The following ROBO2 variants were observed in gnomAD, a reference collection of about 807,000 sequenced individuals.
ROBO2 encodes the protein roundabout guidance receptor 2, also known as roundabout homolog 2.
Under a neutral mutation model 160.8 loss-of-function variants are expected in ROBO2, and 53 were observed. That is an observed-to-expected ratio of 0.33 (90% CI 0.26 to 0.41). The LOEUF is 0.41. ROBO2 is among the 10% of genes least tolerant of loss of function. The pLI, the probability that ROBO2 is intolerant of heterozygous loss-of-function variation, is 1.00. For missense variants in ROBO2, 1,577 were observed against 1,722.4 expected, an observed-to-expected ratio of 0.92 and a Z score of 1.49; for synonymous variants, 664 against 611.7, an observed-to-expected ratio of 1.09 and a Z score of -1.26.
intron 2 of ROBO2, among the ~76,000 whole-genome samples, chr3:77,370,589 A>G (rs1474403219): frequency 6.6e-6 from 1 of 152,222 alleles, no homozygotes; most frequent in Non-Finnish European, 1.5e-5. Flanking sequence ...ACTGTGCTTT[A>G]GAGGAGGGAT....
chr3:77,303,713 G>GTA (rs776813619), intron 2 of ROBO2, among the ~76,000 whole-genome samples: 31 of 151,872 alleles, frequency 2.0e-4, no homozygotes, highest in Non-Finnish European at 3.7e-4. Flanking sequence ...CAATGTGTGT[G>GTA]TATATATATA....
At chr3:77,319,212 G>T (rs1172790066) in intron 2 of ROBO2, among the ~76,000 whole-genome samples, 1 of 152,152 alleles carries the variant, frequency 6.6e-6, no homozygotes. Context: ...TCTAATGAAA[G>T]TAAAAGATAA....
chr3:77,593,846 C>A (rs2094237598), intron 17 of ROBO2, among the ~76,000 whole-genome samples: 1 of 152,118 alleles, frequency 6.6e-6, no homozygotes, highest in Non-Finnish European at 1.5e-5. Flanking sequence ...TATTTACTTA[C>A]AGTATGAATC....
chr3:76,460,538 ATGT>A (rs2078030142), intron 2 of ROBO2, among the ~76,000 whole-genome samples: 1 of 152,180 alleles, frequency 6.6e-6, no homozygotes, highest in African/African-American at 2.4e-5. Flanking sequence ...ACCAGCTGAC[ATGT>A]TGTAAGGACA....
chr3:77,324,851 G>A (rs901092817), intron 2 of ROBO2, among the ~76,000 whole-genome samples: 5 of 149,170 alleles, frequency 3.4e-5, no homozygotes, highest in South Asian at 4.2e-4. Context: ...TTAAACTAGC[G>A]CGTGTTTCCT....
chr3:76,077,903 T>A (rs2068694948), intron 2 of ROBO2, among the ~76,000 whole-genome samples: 1 of 152,174 alleles, frequency 6.6e-6, no homozygotes, highest in Non-Finnish European at 1.5e-5. Context: ...CAACTTCCAT[T>A]GATAACCATT....
rs574046684 is a variant in ROBO2 at position 77,540,649 on chromosome 3, G to A, written c.935-5689G>A. On this transcript the variant is annotated intron_variant, in intron 6 of 25. Transcript: ENST00000461745. ...GCTGCGGTTAATACCTAGGTGAGGG[G>A]TTGGTAGGTGCAGCAGTTCATCATG... 3.9e-5 allele frequency among the ~76,000 whole-genome samples: 6 copies of A among 152,284 alleles called. No individual in the cohort carries two copies. In the South Asian group the frequency reaches 1.2e-3, roughly 32 times the overall value.
At chr3:77,200,315 ATATATATT>A (rs1298060254) in intron 2 of ROBO2, among the ~76,000 whole-genome samples, 2,507 of 87,466 alleles carry the variant, frequency 0.029, 209 homozygotes, top group South Asian at 0.053. Flanking sequence ...ATATATATAT[ATATATATT>A]TTAGTTTCTA....
intron 2 of ROBO2, among the ~76,000 whole-genome samples, chr3:76,475,404 A>G (rs2078881337): frequency 6.6e-6 from 1 of 152,166 alleles, no homozygotes; most frequent in Non-Finnish European, 1.5e-5. Context: ...ATGTGCAGCC[A>G]TGGTGAGGAT....
At chr3:77,023,078 A>T (rs1317010963) in intron 2 of ROBO2, among the ~76,000 whole-genome samples, 2 of 152,132 alleles carry the variant, frequency 1.3e-5, no homozygotes, top group Non-Finnish European at 2.9e-5. Flanking sequence ...TCAACTTGAA[A>T]TGTGTCTCCC....
chr3:76,400,114 G>C (rs2077726382), intron 2 of ROBO2, among the ~76,000 whole-genome samples: 2 of 151,640 alleles, frequency 1.3e-5, no homozygotes, highest in Admixed American at 6.6e-5. Context: ...TATCTGTTTA[G>C]CTGGTACCCA....
chr3:76,515,200 C>A (rs911034960), intron 2 of ROBO2, among the ~76,000 whole-genome samples: 2 of 152,024 alleles, frequency 1.3e-5, no homozygotes, highest in Admixed American at 1.3e-4. Flanking sequence ...TCTTTTTTAA[C>A]CCAATTTTAA....
chr3:76,559,053 G>A (rs1259027771), intron 2 of ROBO2, among the ~76,000 whole-genome samples: 4 of 151,998 alleles, frequency 2.6e-5, no homozygotes, highest in African/African-American at 7.2e-5. Context: ...CACAGCACAC[G>A]AAACAGATGG....
chr3:76,090,149 G>A (rs1229979557), intron 2 of ROBO2, among the ~76,000 whole-genome samples: 1 of 152,026 alleles, frequency 6.6e-6, no homozygotes, highest in East Asian at 1.9e-4. Context: ...GGAACACTAC[G>A]AAACTCTCAT....
At chr3:76,209,412 T>C (rs1703003749) in intron 2 of ROBO2, among the ~76,000 whole-genome samples, 1 of 152,176 alleles carries the variant, frequency 6.6e-6, no homozygotes, top group South Asian at 2.1e-4. Context: ...AATATAAGAT[T>C]CTCTTTAGTC....
intron 2 of ROBO2, among the ~76,000 whole-genome samples, chr3:77,213,244 T>C (rs1434501820): frequency 1.3e-5 from 2 of 152,066 alleles, no homozygotes; most frequent in Non-Finnish European, 2.9e-5. Flanking sequence ...TAATTATTGC[T>C]TCAATTTCAG....
At chr3:77,581,949 A>T (rs2093929599) in intron 16 of ROBO2, among the ~76,000 whole-genome samples, 1 of 151,978 alleles carries the variant, frequency 6.6e-6, no homozygotes, top group South Asian at 2.1e-4. Flanking sequence ...TAAGATTATT[A>T]TATCTTCTTT....
At chr3:76,390,999 A>C (rs1205165406) in intron 2 of ROBO2, among the ~76,000 whole-genome samples, 1 of 152,208 alleles carries the variant, frequency 6.6e-6, no homozygotes, top group Non-Finnish European at 1.5e-5. Flanking sequence ...CATAGAAATA[A>C]TAAAATAGAT....
At chr3:75,953,692 T>A (rs1948629695) in intron 2 of ROBO2, among the ~76,000 whole-genome samples, 1 of 151,860 alleles carries the variant, frequency 6.6e-6, no homozygotes, top group Non-Finnish European at 1.5e-5. Flanking sequence ...AGTCATAAAG[T>A]TTAGAAGCTC....
Sources: allele counts gnomAD v4.1 joint callset (sites outside exome capture counted in the v4.1 genomes callset), GRCh38; gene constraint gnomAD v4.1.1; transcripts MANE v1.5; gene names NCBI Gene and HGNC (gene_info 2026-07-23, HGNC 2026-07-21).